The following HECTD2 variants were observed in gnomAD, a reference collection of about 807,000 sequenced individuals.
HECTD2 encodes the protein HECT domain E3 ubiquitin protein ligase 2.
In HECTD2, 35 loss-of-function variants were observed where a neutral mutation model predicts 103.2. That is an observed-to-expected ratio of 0.34 (90% CI 0.26 to 0.45). The LOEUF is 0.45. Ranked by LOEUF, HECTD2 falls within the 20% of genes least tolerant of loss-of-function variation. The probability of loss-of-function intolerance (pLI) is 1.00; values close to 1 mark genes in which losing one functional copy is unlikely to be tolerated. For missense variants in HECTD2, 596 were observed against 937.4 expected (o/e 0.64, Z 4.76); for synonymous variants, 281 against 329.9 (o/e 0.85, Z 1.61).
chr10:91,463,702 T>C, intron 5 of HECTD2: 1 of 152,316 alleles, frequency 6.6e-6, no homozygotes, highest in East Asian at 1.9e-4. Context: ...TACTTCACTA[T>C]TAAATATAAA....
intron 6 of HECTD2, among the ~76,000 whole-genome samples, chr10:91,480,336 T>C (rs1393020374): frequency 1.3e-5 from 2 of 152,100 alleles, no homozygotes; most frequent in African/African-American, 4.8e-5. Flanking sequence ...AAATAGATCT[T>C]GAGCAGGCAA....
rs1340306500 is a variant in HECTD2 at position 91,513,288 on chromosome 10, C to A, written c.*904C>A. 1.3e-5 allele frequency: 2 copies of A among 152,574 alleles called. No homozygotes were observed. Among genetic ancestry groups the A allele is most frequent in the African/African-American group, 4.8e-5 (2 of 41,446 alleles). 9.5% of individuals were successfully genotyped at this position (152,574 alleles called of 1,614,324 possible). A position where few individuals can be genotyped will look rare whatever the true frequency, so the allele number is the denominator to read the frequency against. ...AAAGAATATAACTGCTTTTATAAAT[C>A]TTTTGAATCATGTACAAGACTTATA... On this transcript the variant is annotated 3_prime_UTR_variant, in exon 21 of 21. Coordinates refer to ENST00000298068, the MANE Select transcript of HECTD2 (RefSeq NM_182765.6).
In HECTD2 at chr10:91,483,035, A is replaced by G. The variant is rs1300654300; in HGVS notation, c.780A>G (p.Leu260=). ...YAHLLRQIAT[L]VEADHHFLVH... is the part of the protein sequence containing the mutation. ...ACTTGCTACGACAGATAGCTACCTT[A>G]GTGGAAGCTGACCATCATTTCCTAG... The change falls in exon 8 of 21, where the codon TTA becomes TTG. Residue 260 remains leucine (L), a synonymous_variant. Coordinates refer to ENST00000298068, the MANE Select transcript of HECTD2 (RefSeq NM_182765.6). 8.2e-6 allele frequency: 13 copies of G among 1,586,104 alleles called. No homozygotes were observed. Among genetic ancestry groups the G allele is most frequent in the Non-Finnish European group, 1.1e-5 (13 of 1,157,714 alleles).
At chr10:91,502,706 CAG>C (rs1265880756) in intron 20 of HECTD2, among the ~76,000 whole-genome samples, 1 of 151,922 alleles carries the variant, frequency 6.6e-6, no homozygotes, top group African/African-American at 2.4e-5. Flanking sequence ...TTTTGCATAA[CAG>C]AAGTTAATTT....
chr10:91,478,336 C>T lies in HECTD2; in HGVS notation c.665+71C>T, dbSNP rs1589526217. The T allele has an allele frequency of 3.3e-6, 3 of 901,478 alleles. No individual in the cohort carries two copies. In the East Asian group the frequency reaches 7.3e-5, roughly 22 times the overall value. 55.8% of individuals were successfully genotyped at this position (901,478 alleles called of 1,614,324 possible). On this transcript the variant is annotated intron_variant, in intron 6 of 20. Coordinates refer to ENST00000298068, the MANE Select transcript of HECTD2 (RefSeq NM_182765.6). Reference sequence around the variant, plus strand: ...ACTTACACATCATATATCTTTAACACATGTGTATGTATTTTACTCTCAGAA... The same window carrying T: ...ACTTACACATCATATATCTTTAACATATGTGTATGTATTTTACTCTCAGAA...
chr10:91,512,119 C>A, intron 20 of HECTD2, 145 bp from the exon 21 acceptor site: 1 of 790,984 alleles, frequency 1.3e-6, no homozygotes, highest in Non-Finnish European at 2.0e-6. Flanking sequence ...CAGTAAATAT[C>A]TGTTCAGTGA....
At chr10:91,421,937 C>T (rs769076394) in intron 1 of HECTD2, among the ~76,000 whole-genome samples, 5 of 152,164 alleles carry the variant, frequency 3.3e-5, no homozygotes, top group African/African-American at 4.8e-5. Context: ...ACAATTTGGT[C>T]ATTTCTTGGC....
At chr10:91,492,297 T>C in intron 12 of HECTD2, 55 bp from the exon 13 acceptor site, 6 of 1,529,024 alleles carry the variant, frequency 3.9e-6, no homozygotes, top group Non-Finnish European at 4.5e-6. Context: ...TTAAAAATGT[T>C]AATTCTCTTT....
chr10:91,503,298 T>G (rs1445345947), intron 20 of HECTD2, among the ~76,000 whole-genome samples: 13 of 152,162 alleles, frequency 8.5e-5, no homozygotes, highest in Admixed American at 8.5e-4. Context: ...TAGGAACAGC[T>G]CCAGTCTACA....
At chr10:91,494,039 A>G (rs1846573715) in intron 14 of HECTD2, among the ~76,000 whole-genome samples, 1 of 152,054 alleles carries the variant, frequency 6.6e-6, no homozygotes, top group East Asian at 1.9e-4. Flanking sequence ...CTGCAATCCT[A>G]TGATTCCTAT....
At chr10:91,480,867 T>C (rs1362082333) in intron 6 of HECTD2, among the ~76,000 whole-genome samples, 1 of 152,050 alleles carries the variant, frequency 6.6e-6, no homozygotes, top group Non-Finnish European at 1.5e-5. Context: ...CAAAATGTTA[T>C]AGCCTAGTTA....
At chr10:91,456,671 G>T (rs1163695515) in intron 2 of HECTD2, among the ~76,000 whole-genome samples, 2 of 152,120 alleles carry the variant, frequency 1.3e-5, no homozygotes, top group Admixed American at 6.6e-5. Context: ...GAAAGGGAAT[G>T]CTTCCAGTTT....
At chr10:91,488,303 A>G (rs1046906815) in intron 11 of HECTD2, 5 of 153,080 alleles carry the variant, frequency 3.3e-5, no homozygotes, top group African/African-American at 9.6e-5. Flanking sequence ...TGGAGACCCA[A>G]AGAGGCTGGG....
At chr10:91,509,727 A>C (rs1847347854) in intron 20 of HECTD2, among the ~76,000 whole-genome samples, 1 of 152,172 alleles carries the variant, frequency 6.6e-6, no homozygotes, top group Non-Finnish European at 1.5e-5. Flanking sequence ...CTAAATACTG[A>C]GTACATGTGA....
chr10:91,469,537 T>C (rs1163253102), intron 5 of HECTD2, among the ~76,000 whole-genome samples: 1 of 152,206 alleles, frequency 6.6e-6, no homozygotes, highest in African/African-American at 2.4e-5. Flanking sequence ...TAAGATACTT[T>C]TCTGATAAGT....
chr10:91,410,856 T>A (rs1473006587), intron 1 of HECTD2, among the ~76,000 whole-genome samples: 2 of 152,222 alleles, frequency 1.3e-5, no homozygotes, highest in Non-Finnish European at 2.9e-5. Context: ...GGGCCCCCAC[T>A]TTCTCTAAGA....
intron 5 of HECTD2, among the ~76,000 whole-genome samples, chr10:91,477,130 G>A (rs1046275416): frequency 6.7e-6 from 1 of 149,724 alleles, no homozygotes; most frequent in African/African-American, 2.5e-5. Context: ...GCAGTGAGCC[G>A]AGATTGCGCC....
intron 2 of HECTD2, among the ~76,000 whole-genome samples, chr10:91,433,814 A>T (rs1325988400): frequency 6.6e-6 from 1 of 151,936 alleles, no homozygotes. Flanking sequence ...GTCTATACTT[A>T]GTTAATAATT....
intron 2 of HECTD2, among the ~76,000 whole-genome samples, chr10:91,427,111 T>A (rs958344901): frequency 6.7e-6 from 1 of 150,000 alleles, no homozygotes; most frequent in Admixed American, 6.6e-5. Flanking sequence ...TTTGGTTTTT[T>A]GTCCTTGCGA....
Sources: gnomAD v4.1 joint callset for allele counts (sites outside exome capture counted in the v4.1 genomes callset) on GRCh38, gnomAD v4.1.1 for gene constraint, MANE v1.5 for transcripts, NCBI Gene and HGNC (gene_info 2026-07-23, HGNC 2026-07-21) for gene names.